The following ASTN2 variants were observed in gnomAD, a reference collection of about 807,000 sequenced individuals.
ASTN2 encodes astrotactin 2.
A neutral mutation model predicts 139.8 loss-of-function variants in ASTN2; 54 were observed. The ratio of observed to expected loss-of-function variants is 0.39; its 90% CI spans 0.31 to 0.48. The LOEUF (loss-of-function observed/expected upper bound fraction) is 0.48, where lower values mean the gene tolerates loss of function less well. Among genes scored for constraint, ASTN2 ranks in the 20% least tolerant of loss-of-function variants. The probability of loss-of-function intolerance (pLI) is 0.95; values close to 1 mark genes in which losing one functional copy is unlikely to be tolerated. For missense variants in ASTN2, 1,565 were observed against 1,725.1 expected, an observed-to-expected ratio of 0.91 and a Z score of 1.64; for synonymous variants, 756 against 719.5, an observed-to-expected ratio of 1.05 and a Z score of -0.81.
chr9:117,400,942 G>T (rs1371745374), intron 1 of ASTN2, among the ~76,000 whole-genome samples: 1 of 152,112 alleles, frequency 6.6e-6, no homozygotes, highest in Non-Finnish European at 1.5e-5. Flanking sequence ...CACATGACTT[G>T]CTTCGAGTGA....
intron 2 of ASTN2, among the ~76,000 whole-genome samples, chr9:117,237,222 C>G (rs542011176): frequency 6.6e-6 from 1 of 152,234 alleles, no homozygotes; most frequent in South Asian, 2.1e-4. Flanking sequence ...TTTGCACCAA[C>G]CTAATAGTTT....
At chr9:116,829,449 A>T (rs1831739673) in intron 11 of ASTN2, among the ~76,000 whole-genome samples, 1 of 152,076 alleles carries the variant, frequency 6.6e-6, no homozygotes, top group African/African-American at 2.4e-5. Context: ...CACTACTATA[A>T]AGAAATACCT....
At chr9:117,287,604 G>A (rs542629217) in intron 2 of ASTN2, among the ~76,000 whole-genome samples, 2 of 152,190 alleles carry the variant, frequency 1.3e-5, no homozygotes, top group Non-Finnish European at 2.9e-5. Flanking sequence ...TTTGTTGTGA[G>A]GATTGAAAGT....
intron 2 of ASTN2, among the ~76,000 whole-genome samples, chr9:117,263,643 A>G (rs961712846): frequency 2.6e-5 from 4 of 152,202 alleles, no homozygotes; most frequent in Non-Finnish European, 5.9e-5. Context: ...AGTGATCCTC[A>G]TCAAGATCCT....
At chr9:117,006,780 T>C (rs559870782) in intron 7 of ASTN2, among the ~76,000 whole-genome samples, 4 of 152,182 alleles carry the variant, frequency 2.6e-5, no homozygotes, top group Admixed American at 6.5e-5. Context: ...CTACTCCCCC[T>C]CTTTCTCACT....
intron 12 of ASTN2, among the ~76,000 whole-genome samples, chr9:116,816,848 GAATTT>G (rs1215973207): frequency 6.6e-6 from 1 of 151,140 alleles, no homozygotes; most frequent in Non-Finnish European, 1.5e-5. Flanking sequence ...GGATAAATAA[GAATTT>G]GAGACAAAAT....
chr9:116,883,084 A>G (rs929147361), intron 10 of ASTN2, among the ~76,000 whole-genome samples: 4 of 152,178 alleles, frequency 2.6e-5, no homozygotes, highest in African/African-American at 9.7e-5. Context: ...CATATGCACA[A>G]TGATGTTCGT....
At chr9:117,349,462 C>T (rs7862524) in intron 1 of ASTN2, among the ~76,000 whole-genome samples, 51,916 of 151,998 alleles carry the variant, frequency 0.34, 9,167 homozygotes, top group Middle Eastern at 0.38. Context: ...CAGGAATCTA[C>T]TGTTAATGGG....
chr9:116,967,608 A>T (rs1836050989), intron 10 of ASTN2, among the ~76,000 whole-genome samples: 1 of 152,234 alleles, frequency 6.6e-6, no homozygotes, highest in African/African-American at 2.4e-5. Flanking sequence ...CATAACACGC[A>T]TGCACTCATT....
At chr9:117,012,920 G>C (rs993963006) in intron 6 of ASTN2, among the ~76,000 whole-genome samples, 2 of 152,218 alleles carry the variant, frequency 1.3e-5, no homozygotes, top group African/African-American at 4.8e-5. Context: ...GCAGGCTCTG[G>C]TTGAGTAAAA....
At chr9:116,602,199 G>A (rs1854936122) in intron 19 of ASTN2, among the ~76,000 whole-genome samples, 1 of 152,174 alleles carries the variant, frequency 6.6e-6, no homozygotes, top group Admixed American at 6.5e-5. Flanking sequence ...GGTGGTAGCA[G>A]AAGACAGAGG....
intron 10 of ASTN2, among the ~76,000 whole-genome samples, chr9:116,891,800 T>G (rs1010186544): frequency 6.6e-6 from 1 of 152,216 alleles, no homozygotes; most frequent in African/African-American, 2.4e-5. Context: ...TAAAGTACAG[T>G]CTCTGGAGCT....
chr9:117,065,217 C>A (rs150203143), intron 5 of ASTN2, among the ~76,000 whole-genome samples: 179 of 152,250 alleles, frequency 1.2e-3, no homozygotes, highest in African/African-American at 4.1e-3. Context: ...GAAACCCACA[C>A]TGGAATACCT....
chr9:116,549,155 GA>G (rs1461342814), intron 19 of ASTN2, among the ~76,000 whole-genome samples: 4 of 150,860 alleles, frequency 2.7e-5, no homozygotes, highest in Non-Finnish European at 5.9e-5. Flanking sequence ...TGTGTCATCT[GA>G]AGCAAACCAC....
At chr9:116,546,911 C>A (rs1190165723) in intron 19 of ASTN2, among the ~76,000 whole-genome samples, 1 of 152,154 alleles carries the variant, frequency 6.6e-6, no homozygotes, top group Non-Finnish European at 1.5e-5. Flanking sequence ...GACTCCAAAG[C>A]CCTCTTTGTA....
intron 1 of ASTN2, among the ~76,000 whole-genome samples, chr9:117,315,294 T>C (rs1005846370): frequency 2.6e-5 from 4 of 152,214 alleles, no homozygotes; most frequent in Admixed American, 2.6e-4. Context: ...TTCTCAGCAA[T>C]GACACAGCCG....
At chr9:116,898,634 T>C (rs568909756) in intron 10 of ASTN2, among the ~76,000 whole-genome samples, 1 of 152,290 alleles carries the variant, frequency 6.6e-6, no homozygotes, top group Admixed American at 6.5e-5. Flanking sequence ...TCTGTGTTTT[T>C]TCATATTTTA....
rs554446768 is a variant in ASTN2, at chr9:116,800,311, T to G, written c.2396+5321A>C. On this transcript the variant is annotated intron_variant, in intron 13 of 22. Coordinates refer to ENST00000313400, the MANE Select transcript of ASTN2 (RefSeq NM_001365068.1). ...CTTTAGTGTCTCCTCTGTTTTTGTC[T>G]CTTTCTCCCTGCCTCTGCTCGGTCT... Among the ~76,000 whole-genome samples the G allele has an allele frequency of 2.1e-4, 32 of 152,302 alleles. No homozygotes were observed. In the East Asian group the frequency reaches 6.0e-3, roughly 29 times the overall value.
At chr9:116,904,026 A>T (rs145130416) in intron 10 of ASTN2, among the ~76,000 whole-genome samples, 74 of 152,272 alleles carry the variant, frequency 4.9e-4, no homozygotes, top group Middle Eastern at 3.4e-3. Flanking sequence ...CTAGTCTCCC[A>T]GGGTTGAGAG....
Sources: allele counts gnomAD v4.1 joint callset (sites outside exome capture counted in the v4.1 genomes callset), GRCh38; gene constraint gnomAD v4.1.1; transcripts MANE v1.5; gene names NCBI Gene and HGNC (gene_info 2026-07-23, HGNC 2026-07-21).